ACAD11: variants seen among roughly 807,000 people sequenced by gnomAD.
The protein encoded by ACAD11 is acyl-CoA dehydrogenase family member 11, also known as acyl-Coenzyme A dehydrogenase family, member 11.
In ACAD11, 83 loss-of-function variants were observed where a neutral mutation model predicts 102.2. That is an observed-to-expected ratio of 0.81 (90% CI 0.68 to 0.97). The LOEUF (loss-of-function observed/expected upper bound fraction) is 0.97, where lower values mean the gene tolerates loss of function less well. ACAD11 is among the 50% of genes least tolerant of loss of function. The pLI, the probability that ACAD11 is intolerant of heterozygous loss-of-function variation, is 0.00. For synonymous variants in ACAD11, 324 were observed against 319.8 expected, an observed-to-expected ratio of 1.01 and a Z score of -0.14; for missense variants, 901 against 951.7, an observed-to-expected ratio of 0.95 and a Z score of 0.70.
intron 19 of ACAD11, among the ~76,000 whole-genome samples, chr3:132,559,377 A>T (rs566793713): frequency 1.3e-5 from 2 of 152,136 alleles, no homozygotes; most frequent in South Asian, 4.1e-4. Flanking sequence ...GACTGGTATG[A>T]TACTATATAT....
intron 8 of ACAD11, chr3:132,627,071 T>C (rs1001453092): frequency 4.4e-5 from 13 of 293,602 alleles, no homozygotes; most frequent in African/African-American, 1.5e-4. Flanking sequence ...CCTCAAGCAA[T>C]GTTAGTGATA....
intron 9 of ACAD11, among the ~76,000 whole-genome samples, chr3:132,619,913 G>C (rs529429813): frequency 2.0e-5 from 3 of 152,136 alleles, no homozygotes; most frequent in Non-Finnish European, 4.4e-5. Flanking sequence ...AAATTCCTTG[G>C]AGGCCAGAAA....
intron 11 of ACAD11, among the ~76,000 whole-genome samples, chr3:132,613,485 A>G (rs62291498): frequency 0.029 from 4,479 of 152,196 alleles, 113 homozygotes; most frequent in Non-Finnish European, 0.048. Context: ...CCTATTCAAC[A>G]TAGTATTGGA....
intron 1 of ACAD11, chr3:132,650,419 A>C (rs1314797978): frequency 1.3e-5 from 2 of 152,222 alleles, no homozygotes; most frequent in Admixed American, 1.3e-4. Flanking sequence ...AGGCAACCAA[A>C]ACTCAACATG....
intron 5 of ACAD11, among the ~76,000 whole-genome samples, chr3:132,632,170 G>A (rs1193999860): frequency 2.7e-5 from 4 of 150,814 alleles, no homozygotes; most frequent in South Asian, 4.2e-4. Flanking sequence ...TGCAAGCTCC[G>A]CCTCCCGGGT....
At chr3:132,657,609 A>G (rs1023351632) in intron 1 of ACAD11, among the ~76,000 whole-genome samples, 2 of 152,220 alleles carry the variant, frequency 1.3e-5, no homozygotes, top group African/African-American at 4.8e-5. Flanking sequence ...TAAAAGTTTT[A>G]TCATTTCTCT....
At chr3:132,640,086 T>A (rs367667005) in intron 4 of ACAD11, among the ~76,000 whole-genome samples, 2 of 151,696 alleles carry the variant, frequency 1.3e-5, no homozygotes, top group East Asian at 3.9e-4. Flanking sequence ...AAAAAGGGAA[T>A]ATGGGGACTA....
intron 1 of ACAD11, among the ~76,000 whole-genome samples, chr3:132,651,799 CT>C (rs1310159525): frequency 6.6e-6 from 1 of 152,162 alleles, no homozygotes; most frequent in Non-Finnish European, 1.5e-5. Context: ...CCTGTAGCCC[CT>C]TTTATTTTGG....
chr3:132,649,455 T>G (rs948940566), intron 1 of ACAD11, among the ~76,000 whole-genome samples: 2 of 152,218 alleles, frequency 1.3e-5, no homozygotes, highest in Non-Finnish European at 2.9e-5. Context: ...GAGAAAAGCA[T>G]AAATCTGGCC....
In ACAD11 at chr3:132,628,465, C is replaced by A. The variant is rs1180488514; in HGVS notation, c.964-19G>T. 2.0e-6 allele frequency: 3 copies of A among 1,515,356 alleles called. No individual in the cohort carries two copies. Among genetic ancestry groups the A allele is most frequent in the South Asian group, 1.2e-5 (1 of 83,306 alleles). The allele number at this position is 1,515,356 out of a possible 1,614,324, so 93.9% of individuals were successfully genotyped here. On this transcript the variant is annotated intron_variant, in intron 7 of 19. Transcript: ENST00000264990. ...ATACTCCCTATAAATAAACATAGAACAATTAAAATTCATTGAAAACCGTCC... is the reference window on the plus strand; with the variant it reads ...ATACTCCCTATAAATAAACATAGAAAAATTAAAATTCATTGAAAACCGTCC...
chr3:132,624,012 A>AC (rs1392685974), intron 9 of ACAD11, among the ~76,000 whole-genome samples: 1 of 16,740 alleles, frequency 6.0e-5, no homozygotes, highest in Non-Finnish European at 1.5e-4. Context: ...ACCCTCCCCC[A>AC]CCCCCGAAAA....
rs1936955011 is a variant in ACAD11, at chr3:132,558,735, C to G, written c.*236G>C. 2.3e-6 allele frequency: 1 copy of G among 440,226 alleles called. No individual in the cohort carries two copies. The highest frequency in any genetic ancestry group is 4.4e-5 in the Admixed American group (1 of 22,734). 27.3% of individuals were successfully genotyped at this position (440,226 alleles called of 1,614,324 possible). ...CAGGCTGGTCCTGAACTCCTGGCCT[C>G]AAGGAGGCACTAGATTGAATGACAA... On this transcript the variant is annotated 3_prime_UTR_variant, in exon 20 of 20. Coordinates refer to ENST00000264990, the MANE Select transcript of ACAD11 (RefSeq NM_032169.5).
At chr3:132,639,042 T>C (rs535625116) in intron 5 of ACAD11, among the ~76,000 whole-genome samples, 16 of 152,328 alleles carry the variant, frequency 1.1e-4, no homozygotes, top group Admixed American at 2.6e-4. Context: ...CATGTAATTC[T>C]TTTGAAGCCT....
chr3:132,657,326 T>G (rs1287584667), intron 1 of ACAD11, among the ~76,000 whole-genome samples: 1 of 152,250 alleles, frequency 6.6e-6, no homozygotes, highest in Non-Finnish European at 1.5e-5. Flanking sequence ...TGTTCTATTT[T>G]ATTGGTCTGT....
At chr3:132,564,159 A>G (rs1439797359) in intron 17 of ACAD11, among the ~76,000 whole-genome samples, 2 of 152,290 alleles carry the variant, frequency 1.3e-5, no homozygotes, top group East Asian at 3.9e-4. Context: ...ATTATGCTGT[A>G]TGATTATTTT....
intron 17 of ACAD11, among the ~76,000 whole-genome samples, chr3:132,571,225 T>A (rs1443416217): frequency 6.6e-6 from 1 of 152,154 alleles, no homozygotes; most frequent in African/African-American, 2.4e-5. Context: ...CTGTGGCTTT[T>A]TTTTTATTTG....
intron 17 of ACAD11, among the ~76,000 whole-genome samples, chr3:132,568,081 A>G (rs1046107285): frequency 2.0e-5 from 3 of 152,100 alleles, no homozygotes; most frequent in African/African-American, 7.2e-5. Context: ...CAAAAAAATT[A>G]GCCAGGTGTG....
intron 5 of ACAD11, among the ~76,000 whole-genome samples, chr3:132,634,405 A>C (rs1940186197): frequency 6.6e-6 from 1 of 152,128 alleles, no homozygotes; most frequent in Non-Finnish European, 1.5e-5. Context: ...GTCAGGAAAC[A>C]ACAGGTGCTG....
chr3:132,562,562 G>A (rs892575921), intron 17 of ACAD11, among the ~76,000 whole-genome samples: 1 of 152,316 alleles, frequency 6.6e-6, no homozygotes, highest in South Asian at 2.1e-4. Context: ...CCTACTAGCA[G>A]TGTATGAGAG....
Sources: allele counts gnomAD v4.1 joint callset (sites outside exome capture counted in the v4.1 genomes callset), GRCh38; gene constraint gnomAD v4.1.1; transcripts MANE v1.5; gene names NCBI Gene and HGNC (gene_info 2026-07-23, HGNC 2026-07-21).